Variants in ARHGAP24 observed in about 807,000 individuals in gnomAD.
ARHGAP24 encodes rho GTPase-activating protein 24.
ARHGAP24 carries 50 observed loss-of-function variants against 76.4 expected under a neutral mutation model. That is an observed-to-expected ratio of 0.65 (90% CI 0.52 to 0.83). The LOEUF is 0.83. ARHGAP24 is among the 40% of genes least tolerant of loss of function. The probability of loss-of-function intolerance (pLI) is 0.00; values close to 1 mark genes in which losing one functional copy is unlikely to be tolerated. For missense variants in ARHGAP24, 930 were observed against 914.2 expected (o/e 1.02, Z -0.22); for synonymous variants, 345 against 323.3 (o/e 1.07, Z -0.72).
intron 1 of ARHGAP24, among the ~76,000 whole-genome samples, chr4:85,524,320 A>C (rs1008471273): frequency 6.6e-6 from 1 of 152,140 alleles, no homozygotes; most frequent in Admixed American, 6.6e-5. Flanking sequence ...TAGTATAACT[A>C]CTTTTTAAAA....
intron 3 of ARHGAP24, among the ~76,000 whole-genome samples, chr4:85,821,780 A>G (rs1380406907): frequency 1.3e-5 from 2 of 152,206 alleles, no homozygotes; most frequent in African/African-American, 4.8e-5. Context: ...CATTACATAA[A>G]AATATAATTT....
chr4:85,891,452 A>G (rs370766722), intron 3 of ARHGAP24, among the ~76,000 whole-genome samples: 3 of 102,342 alleles, frequency 2.9e-5, no homozygotes, highest in Admixed American at 1.1e-4. Context: ...TTCAAAGGGA[A>G]TGCTTCCAGT....
intron 3 of ARHGAP24, among the ~76,000 whole-genome samples, chr4:85,794,467 A>G (rs888992815): frequency 3.9e-5 from 6 of 152,146 alleles, no homozygotes; most frequent in African/African-American, 1.4e-4. Flanking sequence ...TTCATCTTCA[A>G]AGTGTTACTG....
intron 6 of ARHGAP24, among the ~76,000 whole-genome samples, chr4:85,973,977 G>A (rs1328909679): frequency 1.3e-5 from 2 of 150,228 alleles, no homozygotes; most frequent in African/African-American, 4.9e-5. Context: ...CAAGTAGCTG[G>A]GACTACAGGC....
intron 4 of ARHGAP24, among the ~76,000 whole-genome samples, chr4:85,941,833 A>G (rs1053699088): frequency 6.6e-6 from 1 of 152,160 alleles, no homozygotes; most frequent in Non-Finnish European, 1.5e-5. Context: ...CAGTGTTTCT[A>G]TTTTGGTTTG....
intron 2 of ARHGAP24, among the ~76,000 whole-genome samples, chr4:85,602,006 C>G (rs1578069200): frequency 6.7e-6 from 1 of 148,394 alleles, no homozygotes; most frequent in East Asian, 2.0e-4. Context: ...GGAAAAAGGA[C>G]AGAGAGCAGA....
chr4:85,871,364 T>A (rs1221598994), intron 3 of ARHGAP24, among the ~76,000 whole-genome samples: 2 of 152,146 alleles, frequency 1.3e-5, no homozygotes, highest in Non-Finnish European at 2.9e-5. Flanking sequence ...TCCAGAAATA[T>A]AACAATTTGT....
intron 4 of ARHGAP24, among the ~76,000 whole-genome samples, chr4:85,925,008 A>G (rs1219381512): frequency 6.6e-6 from 1 of 152,184 alleles, no homozygotes; most frequent in African/African-American, 2.4e-5. Context: ...TTCATAACCC[A>G]GAATGGCTAG....
At chr4:85,544,916 G>C (rs528433031) in intron 1 of ARHGAP24, among the ~76,000 whole-genome samples, 11 of 150,524 alleles carry the variant, frequency 7.3e-5, no homozygotes, top group African/African-American at 2.7e-4. Flanking sequence ...GTTGAGCTTG[G>C]GGTTTGATTT....
intron 1 of ARHGAP24, among the ~76,000 whole-genome samples, chr4:85,511,993 A>T (rs1291343715): frequency 2.6e-5 from 4 of 152,218 alleles, no homozygotes; most frequent in African/African-American, 9.6e-5. Context: ...TCTGCTTATG[A>T]GGACATCAGT....
At chr4:85,656,845 A>G (rs1047234872) in intron 2 of ARHGAP24, among the ~76,000 whole-genome samples, 1 of 152,104 alleles carries the variant, frequency 6.6e-6, no homozygotes, top group African/African-American at 2.4e-5. Context: ...ATATTTAACC[A>G]TGGCTATCAT....
At chr4:85,868,734 AGG>A (rs1732352123) in intron 3 of ARHGAP24, among the ~76,000 whole-genome samples, 1 of 151,872 alleles carries the variant, frequency 6.6e-6, no homozygotes, top group African/African-American at 2.4e-5. Context: ...TAGGGAAAAC[AGG>A]GTGTAGTTAT....
At chr4:85,668,000 T>C (rs771442056) in intron 2 of ARHGAP24, among the ~76,000 whole-genome samples, 7 of 152,218 alleles carry the variant, frequency 4.6e-5, no homozygotes, top group Non-Finnish European at 1.0e-4. Context: ...GGTTGAGTAA[T>C]ATAAATATTA....
Position 86,002,641 on chromosome 4 carries a change from T to C in ARHGAP24, c.*1919T>C, listed in dbSNP as rs1463374029. 1 of 152,004 alleles carries C rather than the reference T, an allele frequency of 6.6e-6. No individual in the cohort carries two copies. The highest frequency in any genetic ancestry group is 1.5e-5 in the Non-Finnish European group (1 of 68,016). 9.4% of individuals were successfully genotyped at this position (152,004 alleles called of 1,614,324 possible). On this transcript the variant is annotated 3_prime_UTR_variant, in exon 10 of 10. Transcript: ENST00000395184. ...ATAACTTTTTTTTTCCTCTGTGCAA[T>C]TGGAATAATAAAAATACTACTCCCA...
chr4:85,487,242 G>T, intron 1 of ARHGAP24, among the ~76,000 whole-genome samples: 7 of 117,830 alleles, frequency 5.9e-5, no homozygotes, highest in Admixed American at 2.0e-4. Flanking sequence ...TTTATATATA[G>T]TAAATATATA....
At chr4:85,874,540 T>C (rs796076657) in intron 3 of ARHGAP24, among the ~76,000 whole-genome samples, 4 of 152,028 alleles carry the variant, frequency 2.6e-5, no homozygotes, top group African/African-American at 9.6e-5. Context: ...TCTTTGATTG[T>C]GAGAAAGCTC....
chr4:85,481,635 G>A (rs1409751381), intron 1 of ARHGAP24, among the ~76,000 whole-genome samples: 1 of 152,190 alleles, frequency 6.6e-6, no homozygotes, highest in African/African-American at 2.4e-5. Context: ...AAGTGAACAG[G>A]AAAGGTGTGG....
chr4:85,558,052 A>G (rs1726457586), intron 1 of ARHGAP24, among the ~76,000 whole-genome samples: 2 of 152,124 alleles, frequency 1.3e-5, no homozygotes, highest in South Asian at 4.1e-4. Context: ...CCAACCTCAG[A>G]TGCTCATCCT....
Position 85,721,947 on chromosome 4 carries a change from G to C in ARHGAP24, c.243G>C (p.Gly81=). The C allele has an allele frequency of 2.5e-6, 4 of 1,613,440 alleles. No homozygotes were observed. Among genetic ancestry groups the C allele is most frequent in the Non-Finnish European group, 3.4e-6 (4 of 1,179,602 alleles). Residue 81 remains glycine (G), a synonymous_variant, in exon 3 of 10, where the codon GGG becomes GGC. Transcript: ENST00000395184. ...ATCCCTGCAATGAAGAGAACCCAGG[G>C]AAGTTCCTTTTTGAAGTAGTTCCAG... The part of the protein sequence containing the change: ...SEHPCNEENP[G]KFLFEVVPGG...
Sources: gnomAD v4.1 joint callset for allele counts (sites outside exome capture counted in the v4.1 genomes callset) on GRCh38, gnomAD v4.1.1 for gene constraint, MANE v1.5 for transcripts, NCBI Gene and HGNC (gene_info 2026-07-23, HGNC 2026-07-21) for gene names.